The following SDK2 variants were observed in gnomAD, a reference collection of about 807,000 sequenced individuals.
The protein encoded by SDK2 is sidekick cell adhesion molecule 2.
In SDK2, 105 loss-of-function variants were observed where a neutral mutation model predicts 253.9. That is an observed-to-expected ratio of 0.41 (90% CI 0.35 to 0.49). The LOEUF is 0.49. Among genes scored for constraint, SDK2 ranks in the 20% least tolerant of loss-of-function variants. The probability of loss-of-function intolerance (pLI) is 0.06; values close to 1 mark genes in which losing one functional copy is unlikely to be tolerated. For missense variants in SDK2, 2,608 were observed against 3,003.0 expected, an observed-to-expected ratio of 0.87 and a Z score of 3.07; for synonymous variants, 1,249 against 1,234.9, an observed-to-expected ratio of 1.01 and a Z score of -0.24.
At position 73,352,020 on chromosome 17, in the gene SDK2, T is replaced by C. The variant is rs192353004; in HGVS notation, c.5758+453A>G. ...GATAGGAAGAATGAGGGGAGGAAAA[T>C]GGGAGGGGTGGTGACCCTGCTGCAC... On this transcript the variant is annotated intron_variant, in intron 41 of 44. Coordinates refer to ENST00000392650, the MANE Select transcript of SDK2 (RefSeq NM_001144952.2). This position sits in a 1 kb window ranked among gnomAD's most constrained non-coding sequence, Gnocchi z 4.1. 6.6e-6 allele frequency among the ~76,000 whole-genome samples: 1 copy of C among 151,854 alleles called. No individual in the cohort carries two copies. Among genetic ancestry groups the C allele is most frequent in the East Asian group, 1.9e-4 (1 of 5,160 alleles).
intron 1 of SDK2, among the ~76,000 whole-genome samples, chr17:73,611,584 C>T (rs1435320836): frequency 2.1e-4 from 32 of 152,246 alleles, no homozygotes; most frequent in Non-Finnish European, 1.5e-5. Context: ...GGAATGAGCA[C>T]GGCCTCATGG....
chr17:73,615,099 A>T (rs183299013), intron 1 of SDK2, among the ~76,000 whole-genome samples: 53 of 151,940 alleles, frequency 3.5e-4, no homozygotes, highest in Non-Finnish European at 7.2e-4. Context: ...TATTTTTCTC[A>T]TTGTCCTTGT....
chr17:73,399,085 G>A, intron 22 of SDK2, 83 bp downstream of exon 22: 1 of 1,425,464 alleles, frequency 7.0e-7, no homozygotes. Context: ...ATTCACACAG[G>A]CCGAAATACA....
chr17:73,569,802 A>T (rs919359713), intron 1 of SDK2, among the ~76,000 whole-genome samples: 3 of 152,026 alleles, frequency 2.0e-5, no homozygotes, highest in Non-Finnish European at 4.4e-5. Flanking sequence ...ACCCCCGCAA[A>T]GGTCCTCAGA....
At chr17:73,382,975 G>A (rs1168264634) in intron 33 of SDK2, among the ~76,000 whole-genome samples, 2 of 152,198 alleles carry the variant, frequency 1.3e-5, no homozygotes, top group Non-Finnish European at 2.9e-5. Context: ...GTTGCAGTGA[G>A]CTGAGATGGC....
Position 73,387,949 on chromosome 17 carries a change from G to A in SDK2, c.4281C>T (p.Asp1427=), listed in dbSNP as rs1310984655. The change falls in exon 30 of 45, where the codon GAC becomes GAT. Residue 1427 remains aspartate, a synonymous_variant. Coordinates refer to ENST00000392650, the MANE Select transcript of SDK2 (RefSeq NM_001144952.2). ...TGTAGTAGCGCACAGGGGAGAGCCC[G>A]TCGCTCCCTGGCTCCCAGGACAGCA... ...SVLLSWEPGS[D]GLSPVRYYTI... 6 of 1,576,590 alleles carry A rather than the reference G, an allele frequency of 3.8e-6. No homozygotes were observed. In the East Asian group the frequency reaches 7.0e-5, roughly 19 times the overall value.
Position 73,399,245 on chromosome 17 carries a change from G to C in SDK2, c.3016C>G (p.Pro1006Ala). The change falls in exon 22 of 45, where the codon CCC becomes GCC. Residue 1006 changes from proline to alanine, a missense_variant. Transcript: ENST00000392650. ...CTGAACTGCAAGGTCACAGAGCGGG[G>C]GCCGATGTTGGAAATGCCCAGGTTG... is the stretch of plus-strand genomic sequence containing the variant. Reference protein sequence around the residue: ...PTNLGISNIGPRSVTLQFRPG... With the variant: ...PTNLGISNIGARSVTLQFRPG... 1 of 1,613,846 alleles carries C rather than the reference G, an allele frequency of 6.2e-7. No homozygotes were observed. Among genetic ancestry groups the C allele is most frequent in the Non-Finnish European group, 8.5e-7 (1 of 1,179,772 alleles).
At position 73,402,029 on chromosome 17, in the gene SDK2, T is replaced by C; in HGVS notation, c.2597A>G (p.Glu866Gly). 6.2e-7 allele frequency: 1 copy of C among 1,613,948 alleles called. No individual in the cohort carries two copies. ...GFVSGLKKFTEYFTSVLCFTT... is the reference protein window; with the variant it reads ...GFVSGLKKFTGYFTSVLCFTT... ...GAAACACAGCACTGAGGTGAAGTACTCGGTGAACTTCTTCAGGCCAGACAC... is the reference window on the plus strand; with the variant it reads ...GAAACACAGCACTGAGGTGAAGTACCCGGTGAACTTCTTCAGGCCAGACAC... Residue 866 changes from glutamate to glycine, a missense_variant, in exon 19 of 45, where the codon GAG (glutamate) becomes GGG (glycine). Glu to Gly is a moderately conservative substitution (Grantham distance 98, BLOSUM62 -2). Transcript: ENST00000392650.
chr17:73,398,462 C>A, intron 22 of SDK2, 33 bp from the exon 23 acceptor site: 2 of 1,573,680 alleles, frequency 1.3e-6, no homozygotes, highest in Non-Finnish European at 8.7e-7. Flanking sequence ...GCCTGTCCAG[C>A]CTACAGGGCC....
intron 1 of SDK2, chr17:73,518,918 C>T (rs957259281): frequency 6.6e-6 from 1 of 151,688 alleles, no homozygotes; most frequent in Admixed American, 6.6e-5. Context: ...GCCTGGCCGG[C>T]CTGGGTGGCT....
At position 73,626,987 on chromosome 17, in the gene SDK2, C is replaced by CG. The variant is rs536272233; in HGVS notation, c.64+17037dup. 1.3e-3 allele frequency among the ~76,000 whole-genome samples: 205 copies of CG among 152,176 alleles called. 1 individual carries two copies. Among genetic ancestry groups the CG allele is most frequent in the African/African-American group, 3.5e-3 (146 of 41,510 alleles). ...CCAATCAACAGAACCCAACACTAGC[C>CG]GGGGGGGTGTAAAATCCAAAAAGAA... On this transcript the variant is annotated intron_variant, in intron 1 of 44. Coordinates refer to ENST00000392650, the MANE Select transcript of SDK2 (RefSeq NM_001144952.2).
chr17:73,414,556 G>T, intron 18 of SDK2, 88 bp downstream of exon 18: 2 of 975,794 alleles, frequency 2.0e-6, no homozygotes, highest in South Asian at 1.4e-5. Flanking sequence ...ACAGAGGGGG[G>T]ATTTCCTCCT....
At chr17:73,428,088 G>T (rs1169927893) in intron 12 of SDK2, among the ~76,000 whole-genome samples, 1 of 152,184 alleles carries the variant, frequency 6.6e-6, no homozygotes, top group Non-Finnish European at 1.5e-5. Flanking sequence ...CAAATGAAAA[G>T]ATGCTGTACA....
intron 16 of SDK2, among the ~76,000 whole-genome samples, chr17:73,418,863 G>A (rs920519537): frequency 6.6e-6 from 1 of 152,098 alleles, no homozygotes; most frequent in Non-Finnish European, 1.5e-5. Context: ...TTCCCAGAGC[G>A]TTGCCCCTTG....
At chr17:73,355,174 A>ATATATATATATTTTTTTTT in intron 40 of SDK2, among the ~76,000 whole-genome samples, 3 of 47,240 alleles carry the variant, frequency 6.4e-5, no homozygotes, top group Non-Finnish European at 1.0e-4. Flanking sequence ...ATATATATAT[A>ATATATATATATTTTTTTTT]TTTTTTTTTT....
chr17:73,366,398 G>T (rs952906587), intron 37 of SDK2, among the ~76,000 whole-genome samples: 1 of 152,146 alleles, frequency 6.6e-6, no homozygotes. Context: ...TCTGGCCACC[G>T]TCAGACCCTG....
At chr17:73,400,156 T>C (rs1311623000) in intron 21 of SDK2, among the ~76,000 whole-genome samples, 1 of 152,246 alleles carries the variant, frequency 6.6e-6, no homozygotes, top group Non-Finnish European at 1.5e-5. Context: ...TGGGACCACA[T>C]GGTTATCTGG....
chr17:73,424,154 G>T, intron 12 of SDK2, 62 bp from the exon 13 acceptor site: 1 of 1,408,490 alleles, frequency 7.1e-7, no homozygotes, highest in Non-Finnish European at 9.7e-7. Context: ...AGTGGGCCTA[G>T]CCTGAAGCTT....
At chr17:73,428,393 G>A (rs2063300762) in intron 12 of SDK2, among the ~76,000 whole-genome samples, 1 of 152,070 alleles carries the variant, frequency 6.6e-6, no homozygotes, top group Non-Finnish European at 1.5e-5. Flanking sequence ...CTATTTTGGA[G>A]GTTTTCATGC....
Sources: gnomAD v4.1 joint callset for allele counts (sites outside exome capture counted in the v4.1 genomes callset) on GRCh38, gnomAD v4.1.1 for gene constraint, Gnocchi (gnomAD v3.1) non-coding constraint, MANE v1.5 for transcripts, NCBI Gene and HGNC (gene_info 2026-07-23, HGNC 2026-07-21) for gene names.